The following MDGA2 variants were observed in gnomAD, a reference collection of about 807,000 sequenced individuals.
MDGA2 encodes MAM domain-containing glycosylphosphatidylinositol anchor protein 2.
MDGA2 carries 40 observed loss-of-function variants against 117.8 expected under a neutral mutation model. The ratio of observed to expected loss-of-function variants is 0.34; its 90% CI spans 0.26 to 0.44. The LOEUF is 0.44. MDGA2 is among the 20% of genes least tolerant of loss of function. The pLI, the probability that MDGA2 is intolerant of heterozygous loss-of-function variation, is 1.00. For synonymous variants in MDGA2, 452 were observed against 439.0 expected, an observed-to-expected ratio of 1.03 and a Z score of -0.37; for missense variants, 1,123 against 1,250.6, an observed-to-expected ratio of 0.90 and a Z score of 1.54.
chr14:46,912,172 A>G (rs1883731210), intron 10 of MDGA2, among the ~76,000 whole-genome samples: 1 of 152,178 alleles, frequency 6.6e-6, no homozygotes. Flanking sequence ...CCTTAAACAA[A>G]TGACATTATT....
intron 1 of MDGA2, among the ~76,000 whole-genome samples, chr14:47,635,270 A>T (rs72673210): frequency 6.6e-6 from 1 of 151,992 alleles, no homozygotes; most frequent in Admixed American, 6.5e-5. Flanking sequence ...GACCTTAAGC[A>T]GGTCACTTAT....
chr14:47,498,022 T>C (rs1409851500), intron 1 of MDGA2, among the ~76,000 whole-genome samples: 4 of 152,192 alleles, frequency 2.6e-5, no homozygotes, highest in South Asian at 2.1e-4. Flanking sequence ...TCACTTTGTA[T>C]GTTACTTTCT....
chr14:47,549,341 T>TCATCTC (rs1555331364), intron 1 of MDGA2, among the ~76,000 whole-genome samples: 2 of 64,706 alleles, frequency 3.1e-5, no homozygotes, highest in East Asian at 1.7e-3. Context: ...TTCACCAGTA[T>TCATCTC]TATCTCTCTC....
intron 2 of MDGA2, among the ~76,000 whole-genome samples, chr14:47,250,673 G>A (rs1042062162): frequency 5.9e-5 from 9 of 152,176 alleles, no homozygotes; most frequent in Non-Finnish European, 1.2e-4. Flanking sequence ...CCGGCACTGT[G>A]AGAAATGAAT....
intron 1 of MDGA2, among the ~76,000 whole-genome samples, chr14:47,566,310 C>G (rs1481963433): frequency 6.6e-6 from 1 of 152,176 alleles, no homozygotes; most frequent in Non-Finnish European, 1.5e-5. Flanking sequence ...CAAGGCTGTA[C>G]AGCAAGCAGG....
At chr14:46,909,522 T>C (rs958663067) in intron 10 of MDGA2, among the ~76,000 whole-genome samples, 7 of 152,220 alleles carry the variant, frequency 4.6e-5, no homozygotes, top group African/African-American at 1.7e-4. Flanking sequence ...CAAAATACAG[T>C]TGACATGCCA....
intron 1 of MDGA2, among the ~76,000 whole-genome samples, chr14:47,314,008 T>C (rs1005295337): frequency 2.0e-5 from 3 of 152,158 alleles, no homozygotes; most frequent in East Asian, 1.9e-4. Flanking sequence ...AAATATTACA[T>C]TGGCATGGAA....
intron 1 of MDGA2, among the ~76,000 whole-genome samples, chr14:47,488,395 T>A (rs1894102702): frequency 6.6e-6 from 1 of 152,138 alleles, no homozygotes; most frequent in African/African-American, 2.4e-5. Flanking sequence ...ATTATTATAC[T>A]CTTTGACATC....
rs552680430 is a variant in MDGA2, at chr14:47,624,794, C to T, written c.280+49723G>A. 1.9e-3 allele frequency among the ~76,000 whole-genome samples: 293 copies of T among 152,224 alleles called. 1 individual carries two copies. The highest frequency in any genetic ancestry group is 6.8e-3 in the Middle Eastern group (2 of 294). The stretch of plus-strand genomic sequence containing the variant: ...CTTATCTTCTTCATAACAAGAAATG[C>T]TTCTCAGATAAAAACTGTAGTACAT... On this transcript the variant is annotated intron_variant, in intron 1 of 16. Transcript: ENST00000399232.
chr14:47,115,402 G>A (rs1036484915), intron 5 of MDGA2, among the ~76,000 whole-genome samples: 3 of 151,880 alleles, frequency 2.0e-5, no homozygotes, highest in Non-Finnish European at 2.9e-5. Context: ...GAAGGCAGAC[G>A]TGCCTCAATA....
At chr14:47,477,065 G>C (rs913493032) in intron 1 of MDGA2, among the ~76,000 whole-genome samples, 2 of 152,214 alleles carry the variant, frequency 1.3e-5, no homozygotes, top group African/African-American at 4.8e-5. Context: ...GGGAGGTTGA[G>C]GCAGGAGAAT....
chr14:47,110,121 G>A (rs114386572), intron 5 of MDGA2, among the ~76,000 whole-genome samples: 2,071 of 151,766 alleles, frequency 0.014, 43 homozygotes, highest in African/African-American at 0.048. Context: ...TTACTAACAA[G>A]GAGATGGCAA....
intron 3 of MDGA2, among the ~76,000 whole-genome samples, chr14:47,198,733 AAG>A: frequency 6.6e-6 from 1 of 152,318 alleles, no homozygotes; most frequent in East Asian, 1.9e-4. Flanking sequence ...TTTATTTTAA[AAG>A]AGAATTGATT....
chr14:46,968,236 G>T (rs1245928440), intron 8 of MDGA2, among the ~76,000 whole-genome samples: 2 of 152,070 alleles, frequency 1.3e-5, no homozygotes, highest in African/African-American at 4.8e-5. Flanking sequence ...AAGACAAGGG[G>T]AGATCACCTG....
intron 1 of MDGA2, among the ~76,000 whole-genome samples, chr14:47,387,106 T>G (rs575117082): frequency 6.6e-6 from 1 of 152,318 alleles, no homozygotes; most frequent in South Asian, 2.1e-4. Context: ...ATGACTCGTG[T>G]TTCTGATACT....
At chr14:47,551,785 A>T (rs1417240970) in intron 1 of MDGA2, among the ~76,000 whole-genome samples, 1 of 152,188 alleles carries the variant, frequency 6.6e-6, no homozygotes, top group Non-Finnish European at 1.5e-5. Flanking sequence ...AGCCATATTT[A>T]AGAATTTTTT....
intron 1 of MDGA2, among the ~76,000 whole-genome samples, chr14:47,645,489 C>T (rs1184836444): frequency 6.6e-6 from 1 of 151,878 alleles, no homozygotes; most frequent in Non-Finnish European, 1.5e-5. Flanking sequence ...CCGCCTCGTC[C>T]TCCCAAAGTG....
At chr14:47,415,339 AAT>A (rs1282986346) in intron 1 of MDGA2, among the ~76,000 whole-genome samples, 1 of 151,538 alleles carries the variant, frequency 6.6e-6, no homozygotes, top group East Asian at 2.0e-4. Flanking sequence ...TCTTGTTTAA[AAT>A]ATGTTTTACA....
chr14:46,959,929 G>T (rs1444281958), intron 8 of MDGA2, among the ~76,000 whole-genome samples: 1 of 151,932 alleles, frequency 6.6e-6, no homozygotes, highest in Non-Finnish European at 1.5e-5. Flanking sequence ...TTAATAAAAA[G>T]TCTGTTGTAC....
Sources: allele counts gnomAD v4.1 joint callset (sites outside exome capture counted in the v4.1 genomes callset), GRCh38; gene constraint gnomAD v4.1.1; transcripts MANE v1.5; gene names NCBI Gene and HGNC (gene_info 2026-07-23, HGNC 2026-07-21).